ABCC6: variants seen among roughly 807,000 people sequenced by gnomAD.
ABCC6 encodes the protein ATP binding cassette subfamily C member 6.
ABCC6 carries 126 observed loss-of-function variants against 169.5 expected under a neutral mutation model. The observed-to-expected ratio is 0.74, with a 90% CI of 0.64 to 0.86. ABCC6 has a LOEUF of 0.86. ABCC6 is among the 40% of genes least tolerant of loss of function. ABCC6 has a pLI of 0.00. For synonymous variants in ABCC6, 752 were observed against 814.7 expected (o/e 0.92, Z 1.31); for missense variants, 1,733 against 1,927.2 (o/e 0.90, Z 1.89).
In ABCC6 at chr16:16,182,895, GC is replaced by G. The variant is rs1555513222; in HGVS notation, c.1978del (p.Ala660LeufsTer28). The G allele has an allele frequency of 6.2e-7, 1 of 1,614,082 alleles. No homozygotes were observed. Among genetic ancestry groups the G allele is most frequent in the Non-Finnish European group, 8.5e-7 (1 of 1,180,000 alleles). ...CCCTGCCCCCACTGGACCGACAACA[GC>G]CAGCAGACAGCCCTGGGGCACCGTG... Reference protein sequence around the residue: ...NLTVPQGCLLAVVGPVGAGKS... With the variant: ...NLTVPQGCLLXVVGPVGAGKS... On this transcript the variant is annotated frameshift_variant, in exon 16 of 31. Coordinates refer to ENST00000205557, the MANE Select transcript of ABCC6 (RefSeq NM_001171.6). LOFTEE classifies it high-confidence loss of function.
rs754453185 is a variant in ABCC6, at chr16:16,203,398, T to C, written c.998+12A>G. Reference sequence around the variant, plus strand: ...ACCCACCTTAGCAGGGCACTTGAGGTCTGGGACTCACCTGAGCAGCTTGGG... The same window carrying C: ...ACCCACCTTAGCAGGGCACTTGAGGCCTGGGACTCACCTGAGCAGCTTGGG... On this transcript the variant is annotated intron_variant, in intron 8 of 30. Coordinates refer to ENST00000205557, the MANE Select transcript of ABCC6 (RefSeq NM_001171.6). The C allele has an allele frequency of 1.5e-5, 25 of 1,613,802 alleles. No individual in the cohort carries two copies. In the Admixed American group the frequency reaches 4.2e-4, roughly 27 times the overall value.
chr16:16,210,565 G>T (rs2152291854), intron 6 of ABCC6, among the ~76,000 whole-genome samples: 1 of 152,348 alleles, frequency 6.6e-6, no homozygotes, highest in Admixed American at 6.5e-5. Context: ...TGATGCTATA[G>T]ATTTTTCCTA....
intron 12 of ABCC6, 64 bp from the exon 13 acceptor site, chr16:16,189,038 G>A: frequency 1.5e-5 from 24 of 1,585,174 alleles, no homozygotes; most frequent in Non-Finnish European, 2.1e-5. Context: ...GGGCAGCCTG[G>A]GCAAGCTGTG....
intron 29 of ABCC6, 147 bp from the exon 30 acceptor site, chr16:16,150,919 G>A (rs1191395216): frequency 4.0e-6 from 6 of 1,489,346 alleles, no homozygotes; most frequent in Non-Finnish European, 4.5e-6. Flanking sequence ...GGGGTCTGTG[G>A]TCTGCAGAAC....
chr16:16,185,657 C>G (rs560375212), intron 14 of ABCC6, among the ~76,000 whole-genome samples: 38 of 152,046 alleles, frequency 2.5e-4, no homozygotes, highest in Non-Finnish European at 4.4e-4. Flanking sequence ...TGGTGGTGGG[C>G]GCCTGTAATC....
chr16:16,208,989 AAAG>A (rs2048500109), intron 6 of ABCC6, 130 bp from the exon 7 acceptor site: 1 of 960,852 alleles, frequency 1.0e-6, no homozygotes, highest in South Asian at 1.6e-5. Context: ...CCCTGGGTAA[AAAG>A]AAAGCAATTC....
intron 7 of ABCC6, among the ~76,000 whole-genome samples, chr16:16,205,037 C>T (rs1182099321): frequency 4.0e-5 from 6 of 151,840 alleles, no homozygotes; most frequent in Non-Finnish European, 7.4e-5. Flanking sequence ...GGTTTCACAA[C>T]GTTAGCCAGG....
chr16:16,187,768 G>A (rs1193299832), intron 13 of ABCC6, among the ~76,000 whole-genome samples: 2 of 152,108 alleles, frequency 1.3e-5, no homozygotes, highest in African/African-American at 4.8e-5. Context: ...GGTGGCCCAT[G>A]CCTGTAGTCC....
At position 16,168,860 on chromosome 16, in the gene ABCC6, C is replaced by G. The variant is rs182537933; in HGVS notation, c.2995+786G>C. On this transcript the variant is annotated intron_variant, in intron 22 of 30. Transcript: ENST00000205557. ...CTCTGGGAGGCCGAGGCGGGCAGAT[C>G]ATTTGAGGTCAGGAGTTCGAGACCA... Among the ~76,000 whole-genome samples, 19 of 152,238 alleles carry G rather than the reference C, an allele frequency of 1.2e-4. No homozygotes were observed. The East Asian group carries it at 3.7e-3, about 29-fold the overall frequency.
In ABCC6 at chr16:16,173,283, CCCTG is replaced by C. The variant is rs765405352; in HGVS notation, c.2784_2787del (p.Arg929Ter). On this transcript the variant is annotated frameshift_variant and splice_region_variant, in exon 21 of 31. Coordinates refer to ENST00000205557, the MANE Select transcript of ABCC6 (RefSeq NM_001171.6). LOFTEE classifies it high-confidence loss of function. The stretch of plus-strand genomic sequence containing the variant: ...GAGGGGTGGGTGAAGCTGGTGGTTA[CCCTG>C]CCGTATTGGATGCTGTCCTTTCCTG... 1.9e-5 allele frequency: 31 copies of C among 1,613,630 alleles called. No individual in the cohort carries two copies. The highest frequency in any genetic ancestry group is 2.5e-5 in the Non-Finnish European group (29 of 1,179,988).
Position 16,150,182 on chromosome 16 carries a change from G to T in ABCC6, c.4463C>A (p.Ala1488Asp). 2 of 1,613,500 alleles carry T rather than the reference G, an allele frequency of 1.2e-6. No homozygotes were observed. Among genetic ancestry groups the T allele is most frequent in the Non-Finnish European group, 1.7e-6 (2 of 1,179,994 alleles). ...AESGSPAQLL[A>D]QKGLFYRLAQ... ...CAGTCTGTAAAACAGGCCCTTCTGG[G>T]CCAGCAGCTGGGCCGGGCTGCCGCT... Residue 1488 changes from alanine to aspartate, a missense_variant, in exon 31 of 31, where the codon GCC (alanine) becomes GAC (aspartate). This residue lies in a region of ABCC6 where 1,601 missense variants were observed against 1,635.5 expected (regional missense o/e 0.98). Transcript: ENST00000205557.
chr16:16,213,500 A>G (rs1172091488), intron 5 of ABCC6, among the ~76,000 whole-genome samples: 1 of 150,860 alleles, frequency 6.6e-6, no homozygotes, highest in Non-Finnish European at 1.5e-5. Flanking sequence ...AAATCTCTCA[A>G]TCTCTCATGA....
rs1307773786 is a variant in ABCC6, at chr16:16,190,945, G to A, written c.1432-578C>T. ...GGGGGCTGGGGGGTAGGGGGGTGGC[G>A]GGGGCACCTAAAACCCAGGCACAGG... On this transcript the variant is annotated intron_variant, in intron 11 of 30. Transcript: ENST00000205557. 4.8e-5 allele frequency among the ~76,000 whole-genome samples: 7 copies of A among 145,164 alleles called. No homozygotes were observed. The East Asian group carries it at 8.3e-4, about 17-fold the overall frequency.
In ABCC6 at chr16:16,172,974, C is replaced by T. The variant is rs548482099; in HGVS notation, c.2787+310G>A. ...GGAGGATTGCTTTAGCCCAGGAGGT[C>T]GAGGCTGCAGTGAGCTATGATTACA... On this transcript the variant is annotated intron_variant, in intron 21 of 30. Transcript: ENST00000205557. 1.4e-3 allele frequency: 569 copies of T among 404,810 alleles called. 3 individuals are homozygous for T. Among genetic ancestry groups the T allele is most frequent in the Non-Finnish European group, 2.2e-3 (484 of 217,412 alleles). 25.1% of individuals were successfully genotyped at this position (404,810 alleles called of 1,614,324 possible).
chr16:16,200,356 G>T (rs575316386), intron 9 of ABCC6, among the ~76,000 whole-genome samples: 3 of 151,488 alleles, frequency 2.0e-5, no homozygotes, highest in Non-Finnish European at 2.9e-5. Context: ...TTGAACCCAG[G>T]GGGCGGAGGT....
chr16:16,197,277 A>G (rs2048070054), intron 10 of ABCC6, among the ~76,000 whole-genome samples: 2 of 152,060 alleles, frequency 1.3e-5, no homozygotes, highest in South Asian at 4.1e-4. Context: ...CATCATCATC[A>G]TCTTTCTACA....
At chr16:16,189,670 G>C (rs569238735) in intron 12 of ABCC6, among the ~76,000 whole-genome samples, 1 of 152,082 alleles carries the variant, frequency 6.6e-6, no homozygotes, top group Non-Finnish European at 1.5e-5. Flanking sequence ...CACCCACCTC[G>C]GCCTCCCAAA....
At chr16:16,173,556 T>C in intron 20 of ABCC6, 152 bp from the exon 21 acceptor site, 2 of 999,400 alleles carry the variant, frequency 2.0e-6, no homozygotes, top group South Asian at 1.4e-5. Flanking sequence ...ACTGACCAGA[T>C]ATCACACTTC....
chr16:16,189,201 G>C (rs2152268978), intron 12 of ABCC6, among the ~76,000 whole-genome samples: 1 of 152,352 alleles, frequency 6.6e-6, no homozygotes. Flanking sequence ...ATGGTGATGA[G>C]TGCGCAGCCC....
Sources: allele counts gnomAD v4.1 joint callset (sites outside exome capture counted in the v4.1 genomes callset), GRCh38; gene constraint gnomAD v4.1.1; regional missense constraint gnomAD v4.1.1; transcripts MANE v1.5; gene names NCBI Gene and HGNC (gene_info 2026-07-23, HGNC 2026-07-21).